CIMIP7: variants seen among roughly 807,000 people sequenced by gnomAD.
CIMIP7 encodes ciliary microtubule inner protein 7.
the CIMIP7 span, chr3:49,190,182 AC>A: frequency 7.1e-7 from 1 of 1,414,178 alleles, no homozygotes; most frequent in Non-Finnish European, 9.7e-7. Flanking sequence ...TCAAATCTCC[AC>A]CATGGATCCT....
chr3:49,178,948 GA>G, the CIMIP7 span, among the ~76,000 whole-genome samples: 16 of 152,112 alleles, frequency 1.1e-4, no homozygotes, highest in African/African-American at 3.6e-4. Flanking sequence ...AATGCCATCT[GA>G]AAACTGGAAT....
At chr3:49,181,858 G>A in the CIMIP7 span, among the ~76,000 whole-genome samples, 1 of 152,162 alleles carries the variant, frequency 6.6e-6, no homozygotes, top group African/African-American at 2.4e-5. Flanking sequence ...GCGGACCCTC[G>A]CGGTGAGTGT....
chr3:49,188,580 C>G, the CIMIP7 span, among the ~76,000 whole-genome samples: 1 of 152,058 alleles, frequency 6.6e-6, no homozygotes, highest in Non-Finnish European at 1.5e-5. Flanking sequence ...TCAGGGTGAC[C>G]CTTTTCATAC....
At chr3:49,181,475 G>A in the CIMIP7 span, among the ~76,000 whole-genome samples, 2 of 151,990 alleles carry the variant, frequency 1.3e-5, no homozygotes, top group Non-Finnish European at 2.9e-5. Flanking sequence ...GTGTGGAAAG[G>A]CTCCCAGACA....
At chr3:49,190,032 C>A in the CIMIP7 span, 3 of 1,613,240 alleles carry the variant, frequency 1.9e-6, no homozygotes, top group Admixed American at 5.0e-5. Context: ...TACCTGACAT[C>A]GCTGCAGGAA....
the CIMIP7 span, among the ~76,000 whole-genome samples, chr3:49,186,149 C>T: frequency 2.0e-5 from 3 of 150,148 alleles, no homozygotes; most frequent in Non-Finnish European, 3.0e-5. Flanking sequence ...TACAGGCATG[C>T]ACCACCACCC....
At chr3:49,185,068 C>G in the CIMIP7 span, among the ~76,000 whole-genome samples, 1 of 151,770 alleles carries the variant, frequency 6.6e-6, no homozygotes, top group Admixed American at 6.6e-5. Context: ...TCAAGACCAG[C>G]CTGACCAACA....
At chr3:49,188,123 G>T in the CIMIP7 span, among the ~76,000 whole-genome samples, 12 of 152,344 alleles carry the variant, frequency 7.9e-5, no homozygotes, top group African/African-American at 2.9e-4. Flanking sequence ...TCAAAAGGGA[G>T]GTGGCCCTGG....
At chr3:49,190,432 T>C in the CIMIP7 span, among the ~76,000 whole-genome samples, 1 of 151,968 alleles carries the variant, frequency 6.6e-6, no homozygotes, top group African/African-American at 2.4e-5. Flanking sequence ...GCAGGGCCAC[T>C]GATCAGGGGT....
chr3:49,178,964 A>G, the CIMIP7 span, among the ~76,000 whole-genome samples: 1 of 152,114 alleles, frequency 6.6e-6, no homozygotes, highest in Non-Finnish European at 1.5e-5. Flanking sequence ...TGGAATTTCT[A>G]TCTCCAGCTC....
At chr3:49,178,532 C>T in the CIMIP7 span, 1 of 1,613,392 alleles carries the variant, frequency 6.2e-7, no homozygotes, top group Non-Finnish European at 8.5e-7. Flanking sequence ...TGTCGCTGCG[C>T]CGGCTCCTTG....
chr3:49,188,462 C>T, the CIMIP7 span, among the ~76,000 whole-genome samples: 2 of 152,148 alleles, frequency 1.3e-5, no homozygotes, highest in African/African-American at 2.4e-5. Context: ...CACCAGGGAA[C>T]CCTGGGAGGA....
At chr3:49,185,847 C>G in the CIMIP7 span, among the ~76,000 whole-genome samples, 1 of 151,632 alleles carries the variant, frequency 6.6e-6, no homozygotes, top group Non-Finnish European at 1.5e-5. Context: ...CCAGCCACCA[C>G]TCCCTGCCAA....
At chr3:49,189,960 T>C in the CIMIP7 span, 9 of 1,191,740 alleles carry the variant, frequency 7.6e-6, no homozygotes, top group African/African-American at 1.5e-5. Context: ...GGATGATGCT[T>C]TTGGGTTCTG....
the CIMIP7 span, chr3:49,189,989 C>T: frequency 2.0e-6 from 3 of 1,513,776 alleles, no homozygotes; most frequent in Non-Finnish European, 2.8e-6. Flanking sequence ...AAGAACTGGT[C>T]TAGTCACCCC....
chr3:49,178,720 A>G, the CIMIP7 span, among the ~76,000 whole-genome samples: 1 of 152,236 alleles, frequency 6.6e-6, no homozygotes, highest in Non-Finnish European at 1.5e-5. Flanking sequence ...CAGTCCTGGG[A>G]TATCTCAACC....
the CIMIP7 span, among the ~76,000 whole-genome samples, chr3:49,184,995 C>T: frequency 1.3e-4 from 19 of 151,888 alleles, no homozygotes; most frequent in Non-Finnish European, 2.9e-5. Flanking sequence ...GGGGGCCAGG[C>T]GCAGTGGCTC....
At chr3:49,177,682 A>ACC in the CIMIP7 span, 6 of 1,607,804 alleles carry the variant, frequency 3.7e-6, no homozygotes, top group Non-Finnish European at 5.1e-6. Context: ...ACACTCAGAG[A>ACC]CCCCAGCATG....
At chr3:49,190,089 C>CT in the CIMIP7 span, 6 of 1,611,452 alleles carry the variant, frequency 3.7e-6, no homozygotes, top group South Asian at 6.6e-5. Flanking sequence ...TTCTCTAGCA[C>CT]TTTCACTCTT....
Sources: gnomAD v4.1 joint callset for allele counts (sites outside exome capture counted in the v4.1 genomes callset) on GRCh38, gnomAD v4.1.1 for gene constraint, MANE v1.5 for transcripts, NCBI Gene and HGNC (gene_info 2026-07-23, HGNC 2026-07-21) for gene names.